CNTNAP2: variants seen among roughly 807,000 people sequenced by gnomAD.
CNTNAP2 encodes contactin associated protein 2, also known as contactin-associated protein-like 2.
A neutral mutation model predicts 155.2 loss-of-function variants in CNTNAP2; 98 were observed. The ratio of observed to expected loss-of-function variants is 0.63; its 90% CI spans 0.54 to 0.75. The LOEUF (loss-of-function observed/expected upper bound fraction) is 0.75. Among genes scored for constraint, CNTNAP2 ranks in the 30% least tolerant of loss-of-function variants. The probability of loss-of-function intolerance (pLI) is 0.00; values close to 1 mark genes in which losing one functional copy is unlikely to be tolerated. For missense variants in CNTNAP2, 1,727 were observed against 1,688.1 expected (o/e 1.02, Z -0.40); for synonymous variants, 651 against 631.2 (o/e 1.03, Z -0.47).
chr7:146,602,618 C>G (rs1036442256), intron 1 of CNTNAP2, among the ~76,000 whole-genome samples: 2 of 152,162 alleles, frequency 1.3e-5, no homozygotes, highest in African/African-American at 4.8e-5. Flanking sequence ...TTAAATATGA[C>G]ATAACTACGT....
chr7:146,863,250 C>T (rs999743326), intron 3 of CNTNAP2, among the ~76,000 whole-genome samples: 1 of 152,014 alleles, frequency 6.6e-6, no homozygotes, highest in African/African-American at 2.4e-5. Context: ...AATGTTTTCT[C>T]AAAGAAGTAA....
intron 3 of CNTNAP2, among the ~76,000 whole-genome samples, chr7:146,933,239 G>A (rs1273575212): frequency 1.3e-5 from 2 of 151,894 alleles, no homozygotes; most frequent in Non-Finnish European, 2.9e-5. Context: ...CCAAAATAGA[G>A]ATATAGATCA....
intron 1 of CNTNAP2, among the ~76,000 whole-genome samples, chr7:146,545,744 T>G (rs1452149620): frequency 6.6e-6 from 1 of 151,904 alleles, no homozygotes. Flanking sequence ...TGTAAATTAG[T>G]TCAGCCATTG....
chr7:146,513,337 G>A (rs917297370), intron 1 of CNTNAP2, among the ~76,000 whole-genome samples: 9 of 151,714 alleles, frequency 5.9e-5, no homozygotes, highest in Non-Finnish European at 8.8e-5. Context: ...CTGCCATTTG[G>A]TTATTTGTTT....
intron 1 of CNTNAP2, among the ~76,000 whole-genome samples, chr7:146,438,321 G>C (rs1156460029): frequency 6.7e-6 from 1 of 148,432 alleles, no homozygotes; most frequent in Non-Finnish European, 1.5e-5. Context: ...ATATCCCCTT[G>C]ATCCAGGGTT....
At chr7:146,860,398 G>A (rs1006282379) in intron 3 of CNTNAP2, among the ~76,000 whole-genome samples, 2 of 152,264 alleles carry the variant, frequency 1.3e-5, no homozygotes, top group Non-Finnish European at 2.9e-5. Flanking sequence ...CAAAGTCTCT[G>A]AGGGTGGCAG....
chr7:146,194,162 G>A (rs539901125), intron 1 of CNTNAP2, among the ~76,000 whole-genome samples: 2 of 152,260 alleles, frequency 1.3e-5, no homozygotes, highest in Admixed American at 1.3e-4. Context: ...AGCTCTGCCT[G>A]TTACTGAATT....
intron 1 of CNTNAP2, among the ~76,000 whole-genome samples, chr7:146,183,429 C>G (rs1050944322): frequency 6.6e-6 from 1 of 151,902 alleles, no homozygotes; most frequent in African/African-American, 2.4e-5. Context: ...TTTAATCAAG[C>G]CTTTGGTAAT....
At position 146,674,866 on chromosome 7, in the gene CNTNAP2, C is replaced by T. The variant is rs539280096; in HGVS notation, c.98-99405C>T. Reference sequence around the variant, plus strand: ...AACCTTAAGGCATCTCAGGTGGTGACTTATTCACTTCTCCCTGATATAAGA... The same window carrying T: ...AACCTTAAGGCATCTCAGGTGGTGATTTATTCACTTCTCCCTGATATAAGA... On this transcript the variant is annotated intron_variant, in intron 1 of 23. Coordinates refer to ENST00000361727, the MANE Select transcript of CNTNAP2 (RefSeq NM_014141.6). 1.1e-4 allele frequency among the ~76,000 whole-genome samples: 16 copies of T among 152,284 alleles called. No individual in the cohort carries two copies. In the South Asian group the frequency reaches 3.1e-3, roughly 30 times the overall value.
chr7:147,378,133 G>C (rs1043287734), intron 9 of CNTNAP2: 1 of 342,602 alleles, frequency 2.9e-6, no homozygotes, highest in African/African-American at 2.2e-5. Context: ...TTTTTATACT[G>C]TATATTGTAG....
At chr7:147,306,098 A>G (rs1239843684) in intron 9 of CNTNAP2, among the ~76,000 whole-genome samples, 1 of 152,150 alleles carries the variant, frequency 6.6e-6, no homozygotes, top group Non-Finnish European at 1.5e-5. Flanking sequence ...CTATTTCCCA[A>G]TAAGGCCACA....
At chr7:146,865,481 C>T (rs1795186425) in intron 3 of CNTNAP2, among the ~76,000 whole-genome samples, 1 of 151,900 alleles carries the variant, frequency 6.6e-6, no homozygotes, top group African/African-American at 2.4e-5. Context: ...AAATTGAGTC[C>T]ACAAATAGAC....
chr7:146,990,828 G>T (rs1798195732), intron 3 of CNTNAP2, among the ~76,000 whole-genome samples: 1 of 152,028 alleles, frequency 6.6e-6, no homozygotes, highest in Non-Finnish European at 1.5e-5. Flanking sequence ...AAGGGAAAAT[G>T]ACTTTTTGAA....
At chr7:147,965,594 T>C (rs2116848374) in intron 14 of CNTNAP2, among the ~76,000 whole-genome samples, 1 of 151,992 alleles carries the variant, frequency 6.6e-6, no homozygotes, top group East Asian at 1.9e-4. Context: ...TTTAACATAA[T>C]ATACCACCTC....
At chr7:146,750,035 G>A (rs1013546305) in intron 1 of CNTNAP2, among the ~76,000 whole-genome samples, 4 of 152,064 alleles carry the variant, frequency 2.6e-5, no homozygotes, top group Non-Finnish European at 5.9e-5. Flanking sequence ...TGAGGTCCTG[G>A]AATGTACAAG....
At chr7:147,263,753 A>G (rs1274312609) in intron 8 of CNTNAP2, among the ~76,000 whole-genome samples, 1 of 152,226 alleles carries the variant, frequency 6.6e-6, no homozygotes, top group African/African-American at 2.4e-5. Context: ...AAATTGATTC[A>G]GCTCTGATGC....
intron 1 of CNTNAP2, among the ~76,000 whole-genome samples, chr7:146,717,846 C>G (rs1436876034): frequency 6.6e-6 from 1 of 151,662 alleles, no homozygotes; most frequent in Non-Finnish European, 1.5e-5. Flanking sequence ...AATGCATTAT[C>G]CCTACCTTAC....
chr7:148,239,366 T>C (rs1468050659), intron 20 of CNTNAP2, among the ~76,000 whole-genome samples: 1 of 152,206 alleles, frequency 6.6e-6, no homozygotes, highest in Non-Finnish European at 1.5e-5. Flanking sequence ...AGTATTACAA[T>C]GGTTTGAGTC....
chr7:147,967,100 G>A (rs535008670), intron 14 of CNTNAP2, among the ~76,000 whole-genome samples: 1 of 152,230 alleles, frequency 6.6e-6, no homozygotes, highest in South Asian at 2.1e-4. Context: ...ATGGCAAAGA[G>A]GCTACACATC....
Sources: allele counts gnomAD v4.1 joint callset (sites outside exome capture counted in the v4.1 genomes callset), GRCh38; gene constraint gnomAD v4.1.1; transcripts MANE v1.5; gene names NCBI Gene and HGNC (gene_info 2026-07-23, HGNC 2026-07-21).